Variants in SYNJ1 observed in about 807,000 individuals in gnomAD.
The protein encoded by SYNJ1 is synaptojanin 1, also known as polyphosphatidylinositol phosphatase SYNJ1.
In SYNJ1, 78 loss-of-function variants were observed where a neutral mutation model predicts 168.2. That is an observed-to-expected ratio of 0.46 (90% CI 0.39 to 0.56). The LOEUF (loss-of-function observed/expected upper bound fraction) is 0.56, where lower values mean the gene tolerates loss of function less well. Ranked by LOEUF, SYNJ1 falls within the 20% of genes least tolerant of loss-of-function variation. The probability of loss-of-function intolerance (pLI) is 0.00; values close to 1 mark genes in which losing one functional copy is unlikely to be tolerated. For synonymous variants in SYNJ1, 539 were observed against 548.6 expected (o/e 0.98, Z 0.24); for missense variants, 1,303 against 1,597.6 (o/e 0.82, Z 3.14).
intron 18 of SYNJ1, among the ~76,000 whole-genome samples, chr21:32,660,654 G>A (rs1164010868): frequency 2.0e-5 from 3 of 152,266 alleles, no homozygotes; most frequent in Non-Finnish European, 4.4e-5. Context: ...CATTGCCACA[G>A]GGCACTTCAG....
intron 3 of SYNJ1, among the ~76,000 whole-genome samples, chr21:32,701,719 T>C (rs2042409514): frequency 6.6e-6 from 1 of 152,134 alleles, no homozygotes; most frequent in Non-Finnish European, 1.5e-5. Context: ...TACTTATCTC[T>C]TCAAGTGGTC....
rs760729920 is a variant in SYNJ1, at chr21:32,688,381, A to C, written c.790-14T>G. The C allele has an allele frequency of 3.7e-6, 6 of 1,609,906 alleles. No homozygotes were observed. The South Asian group carries it at 6.7e-5, about 18-fold the overall frequency. ...ATGAGATCCCACCTTAGACAAGAAA[A>C]ATATATTTAATCAAACCAAAAACCA... is the stretch of plus-strand genomic sequence containing the variant. On this transcript the variant is annotated splice_polypyrimidine_tract_variant and intron_variant, in intron 6 of 32. Coordinates refer to ENST00000674351, the MANE Select transcript of SYNJ1 (RefSeq NM_203446.3).
intron 16 of SYNJ1, 80 bp downstream of exon 16, chr21:32,666,353 T>G (rs2040932071): frequency 6.5e-7 from 1 of 1,541,124 alleles, no homozygotes; most frequent in Non-Finnish European, 8.7e-7. Flanking sequence ...TTTGAAGAAC[T>G]GAAACAATAA....
rs1555896455 is a variant in SYNJ1, at chr21:32,665,965, G to A, written c.2123C>T (p.Ala708Val). The A allele has an allele frequency of 1.2e-6, 2 of 1,610,034 alleles. No individual in the cohort carries two copies. The highest frequency in any genetic ancestry group is 1.7e-6 in the Non-Finnish European group (2 of 1,178,246). Residue 708 changes from alanine to valine, a missense_variant, in exon 17 of 33, where the codon GCA becomes GTA. Coordinates refer to ENST00000674351, the MANE Select transcript of SYNJ1 (RefSeq NM_203446.3). ...TACCATAGGAAAACTCAATTTTCGT[G>A]CTATTTCTATAAAATCTTCATTTCT... ...KERNEDFIEI[A>V]RKLSFPMGRM...
chr21:32,685,944 C>T, intron 8 of SYNJ1, 27 bp from the exon 9 acceptor site: 1 of 1,592,104 alleles, frequency 6.3e-7, no homozygotes, highest in Non-Finnish European at 8.5e-7. Context: ...AAATATTCAT[C>T]TAAATGAAAG....
chr21:32,635,190 G>A (rs922058459), intron 31 of SYNJ1, among the ~76,000 whole-genome samples: 2 of 152,078 alleles, frequency 1.3e-5, no homozygotes, highest in African/African-American at 4.8e-5. Context: ...ACCTGTTATG[G>A]ACTGAATATT....
At chr21:32,639,299 G>A (rs1316747772) in intron 30 of SYNJ1, among the ~76,000 whole-genome samples, 174 bp from the exon 31 acceptor site, 4 of 152,282 alleles carry the variant, frequency 2.6e-5, no homozygotes, top group African/African-American at 9.6e-5. Context: ...GTTGTAGAAG[G>A]TGGGAGATGA....
At chr21:32,725,976 G>A (rs749386188) in intron 2 of SYNJ1, among the ~76,000 whole-genome samples, 2 of 152,082 alleles carry the variant, frequency 1.3e-5, no homozygotes, top group Non-Finnish European at 2.9e-5. Context: ...AAGTAGCGGG[G>A]ACTAAAGGGC....
Position 32,666,191 on chromosome 21 carries a change from A to G in SYNJ1, c.1953-56T>C, listed in dbSNP as rs530760804. The stretch of plus-strand genomic sequence containing the variant: ...TTGAAATTTCAAGAGTTCCATGTGC[A>G]TAGGAAATGAGGAATATACATAATC... On this transcript the variant is annotated intron_variant, in intron 16 of 32. Transcript: ENST00000674351. 20 of 1,542,360 alleles carry G rather than the reference A, an allele frequency of 1.3e-5. No homozygotes were observed. In the African/African-American group the frequency reaches 2.5e-4, roughly 19 times the overall value.
At chr21:32,699,071 G>A (rs2042308023) in intron 4 of SYNJ1, among the ~76,000 whole-genome samples, 1 of 152,080 alleles carries the variant, frequency 6.6e-6, no homozygotes, top group African/African-American at 2.4e-5. Flanking sequence ...GCCATGCTCT[G>A]CTGAGGACTC....
chr21:32,641,834 T>TGACTAGTAGTGAACAGGACTTAGAACC, intron 29 of SYNJ1, 62 bp downstream of exon 29: 1 of 1,266,896 alleles, frequency 7.9e-7, no homozygotes, highest in Non-Finnish European at 1.1e-6. Context: ...GTAACAAAAC[T>TGACTAGTAGTGAACAGGACTTAGAACC]GACTAGTAGT....
intron 2 of SYNJ1, among the ~76,000 whole-genome samples, chr21:32,707,687 G>A (rs1338017586): frequency 6.6e-6 from 1 of 152,044 alleles, no homozygotes; most frequent in South Asian, 2.1e-4. Context: ...ACTCTGAATG[G>A]AACACTGCAA....
intron 15 of SYNJ1, among the ~76,000 whole-genome samples, chr21:32,668,007 A>ATG (rs1448068510): frequency 4.4e-4 from 42 of 96,086 alleles, no homozygotes; most frequent in African/African-American, 1.4e-3. Context: ...AGAAGAATAT[A>ATG]TATGTGTGTG....
At position 32,695,040 on chromosome 21, in the gene SYNJ1, T is replaced by C. The variant is rs751404810; in HGVS notation, c.705+17A>G. 19 of 1,604,692 alleles carry C rather than the reference T, an allele frequency of 1.2e-5. No individual in the cohort carries two copies. In the South Asian group the frequency reaches 1.8e-4, roughly 15 times the overall value. On this transcript the variant is annotated intron_variant, in intron 5 of 32. Transcript: ENST00000674351. ...CCTATAATAAATTAATTAAGTAATA[T>C]AAAACACTATATATACCTGTTCTGT...
At chr21:32,728,155 C>G (rs1194218475), upstream of SYNJ1, 2 of 1,291,066 alleles carry the variant, frequency 1.5e-6, no homozygotes, top group Non-Finnish European at 2.0e-6. Context: ...CGCGGGCGGC[C>G]CCAGCCTCAG....
chr21:32,631,570 T>C lies in SYNJ1; in HGVS notation c.*235A>G. On this transcript the variant is annotated 3_prime_UTR_variant, in exon 33 of 33. Transcript: ENST00000674351. Reference sequence around the variant, plus strand: ...CTTCGCATATTTTCCTGGGATTGACTCCGAGCTGGAATTGGAGGCATTGTT... The same window carrying C: ...CTTCGCATATTTTCCTGGGATTGACCCCGAGCTGGAATTGGAGGCATTGTT... 6.2e-7 allele frequency: 1 copy of C among 1,614,146 alleles called. No individual in the cohort carries two copies.
At chr21:32,728,079 G>A (rs1201208407), upstream of SYNJ1, 36 of 1,517,786 alleles carry the variant, frequency 2.4e-5, no homozygotes, top group Non-Finnish European at 3.1e-5. Flanking sequence ...CCCCGCGCGA[G>A]GGAAGGGGCG....
intron 2 of SYNJ1, among the ~76,000 whole-genome samples, chr21:32,726,084 C>T (rs889394072): frequency 6.6e-6 from 1 of 152,178 alleles, no homozygotes; most frequent in African/African-American, 2.4e-5. Flanking sequence ...AAGCGATCAG[C>T]CCCCCTTGGC....
In SYNJ1 at chr21:32,725,302, T is replaced by C. The variant is rs572020609; in HGVS notation, c.124+1470A>G. ...TTCGCCCCACCCAACCCCCACAATA[T>C]TTTAATTCAGAATTCATCAGTATAA... On this transcript the variant is annotated intron_variant, in intron 2 of 32. Coordinates refer to ENST00000674351, the MANE Select transcript of SYNJ1 (RefSeq NM_203446.3). 5.3e-5 allele frequency among the ~76,000 whole-genome samples: 8 copies of C among 152,266 alleles called. No individual in the cohort carries two copies. The South Asian group carries it at 1.0e-3, about 20-fold the overall frequency.
Sources: allele counts gnomAD v4.1 joint callset (sites outside exome capture counted in the v4.1 genomes callset), GRCh38; gene constraint gnomAD v4.1.1; transcripts MANE v1.5; gene names NCBI Gene and HGNC (gene_info 2026-07-23, HGNC 2026-07-21).